ADCY1: variants seen among roughly 807,000 people sequenced by gnomAD.
The protein encoded by ADCY1 is adenylate cyclase type 1.
ADCY1 carries 28 observed loss-of-function variants against 105.4 expected under a neutral mutation model. The observed-to-expected ratio is 0.27, with a 90% CI of 0.20 to 0.36. ADCY1 has a LOEUF of 0.36. Ranked by LOEUF, ADCY1 falls within the 10% of genes least tolerant of loss-of-function variation. ADCY1 has a pLI of 1.00. For synonymous variants in ADCY1, 655 were observed against 623.8 expected (o/e 1.05, Z -0.75); for missense variants, 977 against 1,434.2 (o/e 0.68, Z 5.15).
intron 19 of ADCY1, among the ~76,000 whole-genome samples, chr7:45,711,644 T>TATACATACAC (rs1189707139): frequency 1.9e-5 from 1 of 51,510 alleles, no homozygotes; most frequent in African/African-American, 6.6e-5. Flanking sequence ...TATATATATA[T>TATACATACAC]ACACACACAC....
intron 11 of ADCY1, among the ~76,000 whole-genome samples, chr7:45,682,400 C>T (rs1024778329): frequency 5.3e-5 from 8 of 152,126 alleles, no homozygotes; most frequent in African/African-American, 1.9e-4. Flanking sequence ...ATGGCTAGGC[C>T]TGGAGAACAT....
At chr7:45,631,833 G>A (rs1441239870) in intron 4 of ADCY1, among the ~76,000 whole-genome samples, 1 of 152,162 alleles carries the variant, frequency 6.6e-6, no homozygotes, top group Non-Finnish European at 1.5e-5. Context: ...CTCAGAGTAA[G>A]GTTGCAAAGT....
chr7:45,670,699 G>A (rs1784348951), intron 8 of ADCY1, among the ~76,000 whole-genome samples: 1 of 152,006 alleles, frequency 6.6e-6, no homozygotes, highest in African/African-American at 2.4e-5. Flanking sequence ...CCTGACCACA[G>A]GGAGGATCTG....
At position 45,721,173 on chromosome 7, in the gene ADCY1, A is replaced by G. The variant is rs960407305; in HGVS notation, c.*7178A>G. The G allele has an allele frequency of 1.3e-5, 2 of 152,194 alleles. No homozygotes were observed. Among genetic ancestry groups the G allele is most frequent in the Non-Finnish European group, 2.9e-5 (2 of 68,076 alleles). The allele number at this position is 152,194 out of a possible 1,614,324, so 9.4% of individuals were successfully genotyped here. A position where few individuals can be genotyped will look rare whatever the true frequency, so the allele number is the denominator to read the frequency against. ...TGAATGCAGCCAAGGCTGTCCCCGC[A>G]ATGGGTGAGACTCGCTCCAACTGCC... On this transcript the variant is annotated 3_prime_UTR_variant, in exon 20 of 20. Transcript: ENST00000297323.
intron 1 of ADCY1, among the ~76,000 whole-genome samples, chr7:45,576,838 G>A (rs1473911697): frequency 1.3e-5 from 2 of 151,976 alleles, no homozygotes; most frequent in African/African-American, 4.8e-5. Flanking sequence ...CCCTGGGCAG[G>A]CCCAGGGATC....
chr7:45,670,858 C>T (rs1461088778), intron 8 of ADCY1, among the ~76,000 whole-genome samples: 2 of 152,158 alleles, frequency 1.3e-5, no homozygotes, highest in Admixed American at 1.3e-4. Context: ...GTCCATCAGC[C>T]CTGACCTCAA....
chr7:45,592,052 TG>T (rs1792932628), intron 1 of ADCY1, among the ~76,000 whole-genome samples: 1 of 149,836 alleles, frequency 6.7e-6, no homozygotes, highest in South Asian at 2.1e-4. Flanking sequence ...TTTCGTTTTT[TG>T]TTTTTTTTTT....
chr7:45,616,449 A>G (rs1020673425), intron 3 of ADCY1, among the ~76,000 whole-genome samples: 1 of 152,246 alleles, frequency 6.6e-6, no homozygotes, highest in African/African-American at 2.4e-5. Flanking sequence ...CCAGGATCAC[A>G]TTAAATGCCT....
rs1415414435 is a variant in ADCY1 at position 45,591,925 on chromosome 7, T to C, written c.640-834T>C. Among the ~76,000 whole-genome samples the C allele has an allele frequency of 6.6e-6, 1 of 152,232 alleles. No homozygotes were observed. Among genetic ancestry groups the C allele is most frequent in the Admixed American group, 6.5e-5 (1 of 15,284 alleles). ...GCTGGCCCCTTCTTTGTGTCTCATC[T>C]GTTGAAGCTGAAGTGGGGACAGGAC... On this transcript the variant is annotated intron_variant, in intron 1 of 19. Coordinates refer to ENST00000297323, the MANE Select transcript of ADCY1 (RefSeq NM_021116.4). This position sits in a 1 kb window ranked among gnomAD's most constrained non-coding sequence, Gnocchi z 4.1.
At position 45,717,439 on chromosome 7, in the gene ADCY1, A is replaced by G. The variant is rs949850671; in HGVS notation, c.*3444A>G. 5.2e-5 allele frequency: 8 copies of G among 152,550 alleles called. No homozygotes were observed. The highest frequency in any genetic ancestry group is 1.2e-4 in the Non-Finnish European group (8 of 68,026). The allele number at this position is 152,550 out of a possible 1,614,324, so 9.4% of individuals were successfully genotyped here. On this transcript the variant is annotated 3_prime_UTR_variant, in exon 20 of 20. Transcript: ENST00000297323. ...AAAACTGTATTATATTGCCTTATTTATTTTTAATCATGTACAATATTCATG... is the reference window on the plus strand; with the variant it reads ...AAAACTGTATTATATTGCCTTATTTGTTTTTAATCATGTACAATATTCATG...
At chr7:45,670,888 A>C (rs558759980) in intron 8 of ADCY1, among the ~76,000 whole-genome samples, 3 of 152,320 alleles carry the variant, frequency 2.0e-5, no homozygotes, top group Admixed American at 6.5e-5. Flanking sequence ...GTGTCCATCA[A>C]CCCTTCACGT....
Position 45,677,941 on chromosome 7 carries a change from A to T in ADCY1, c.1678A>T (p.Thr560Ser). 6.2e-7 allele frequency: 1 copy of T among 1,613,970 alleles called. No homozygotes were observed. The highest frequency in any genetic ancestry group is 8.5e-7 in the Non-Finnish European group (1 of 1,179,998). ...TTTTTCTACCAACGTTGTCTACACCACCCCGGGCACTCGCGTCAACAGGTA... is the reference window on the plus strand; with the variant it reads ...TTTTTCTACCAACGTTGTCTACACCTCCCCGGGCACTCGCGTCAACAGGTA... The part of the protein sequence containing the change: ...SSFSTNVVYT[T>S]PGTRVNRYIS... Residue 560 changes from threonine (T) to serine (S), a missense_variant, in exon 9 of 20, where the codon ACC becomes TCC. Physicochemically the swap from Thr to Ser is moderately conservative, Grantham distance 58. Coordinates refer to ENST00000297323, the MANE Select transcript of ADCY1 (RefSeq NM_021116.4).
chr7:45,630,973 A>G (rs1323695924), intron 4 of ADCY1, among the ~76,000 whole-genome samples: 1 of 152,194 alleles, frequency 6.6e-6, no homozygotes, highest in Non-Finnish European at 1.5e-5. Flanking sequence ...CAGTCTCCTT[A>G]TTCAAAAATA....
chr7:45,602,279 G>A (rs1289933219), intron 2 of ADCY1, among the ~76,000 whole-genome samples: 1 of 151,822 alleles, frequency 6.6e-6, no homozygotes, highest in Non-Finnish European at 1.5e-5. Flanking sequence ...CCCCCACAAG[G>A]GTCTAGCCTG....
intron 1 of ADCY1, among the ~76,000 whole-genome samples, chr7:45,587,578 T>G (rs943582855): frequency 6.6e-6 from 1 of 152,066 alleles, no homozygotes; most frequent in African/African-American, 2.4e-5. Flanking sequence ...GAAGGACAGG[T>G]ACCTGGGGAT....
chr7:45,631,214 A>G (rs531826213), intron 4 of ADCY1, among the ~76,000 whole-genome samples: 1 of 152,372 alleles, frequency 6.6e-6, no homozygotes, highest in African/African-American at 2.4e-5. Flanking sequence ...ACATAAAGAT[A>G]TGATAAACTC....
chr7:45,580,478 G>A lies in ADCY1; in HGVS notation c.639+5296G>A, dbSNP rs979436361. On this transcript the variant is annotated intron_variant, in intron 1 of 19. Coordinates refer to ENST00000297323, the MANE Select transcript of ADCY1 (RefSeq NM_021116.4). ...TGAGCACGGGGCTGGGGTACCGGGAGAATAAGACCTCCCTTCCTCTGGGAA... is the reference window on the plus strand; with the variant it reads ...TGAGCACGGGGCTGGGGTACCGGGAAAATAAGACCTCCCTTCCTCTGGGAA... 5.9e-5 allele frequency among the ~76,000 whole-genome samples: 9 copies of A among 152,340 alleles called. No homozygotes were observed. In the South Asian group the frequency reaches 1.5e-3, roughly 25 times the overall value.
Position 45,714,534 on chromosome 7 carries a change from C to G in ADCY1, c.*539C>G, listed in dbSNP as rs1318004932. 2 of 161,326 alleles carry G rather than the reference C, an allele frequency of 1.2e-5. No homozygotes were observed. The highest frequency in any genetic ancestry group is 2.7e-5 in the Non-Finnish European group (2 of 73,276). The allele number at this position is 161,326 out of a possible 1,614,324, so 10.0% of individuals were successfully genotyped here. On this transcript the variant is annotated 3_prime_UTR_variant, in exon 20 of 20. Coordinates refer to ENST00000297323, the MANE Select transcript of ADCY1 (RefSeq NM_021116.4). ...AAGTCAGGCCTCTCTGGGAAGGTCA[C>G]AAGGCCTGGGGTTGTTCACACCACA...
chr7:45,587,648 G>C (rs1032868056), intron 1 of ADCY1, among the ~76,000 whole-genome samples: 2 of 152,096 alleles, frequency 1.3e-5, no homozygotes, highest in South Asian at 4.1e-4. Context: ...GTCTTGGGTT[G>C]GGGGAGGGGC....
Sources: gnomAD v4.1 joint callset for allele counts (sites outside exome capture counted in the v4.1 genomes callset) on GRCh38, gnomAD v4.1.1 for gene constraint, Gnocchi (gnomAD v3.1) non-coding constraint, MANE v1.5 for transcripts, NCBI Gene and HGNC (gene_info 2026-07-23, HGNC 2026-07-21) for gene names.